COL4A3: variants seen among roughly 807,000 people sequenced by gnomAD.
COL4A3 encodes the protein collagen alpha-3(IV) chain.
Under a neutral mutation model 217.4 loss-of-function variants are expected in COL4A3, and 135 were observed. The observed-to-expected ratio is 0.62, with a 90% confidence interval of 0.54 to 0.72. The LOEUF (loss-of-function observed/expected upper bound fraction) is 0.72, where lower values mean the gene tolerates loss of function less well. Among genes scored for constraint, COL4A3 ranks in the 30% least tolerant of loss-of-function variants. The probability of loss-of-function intolerance (pLI) is 0.00; values close to 1 mark genes in which losing one functional copy is unlikely to be tolerated. For missense variants in COL4A3, 1,868 were observed against 2,119.9 expected, an observed-to-expected ratio of 0.88 and a Z score of 2.33; for synonymous variants, 690 against 736.3, an observed-to-expected ratio of 0.94 and a Z score of 1.02.
At chr2:227,203,214 CACAT>C (rs1377477789) in intron 1 of COL4A3, among the ~76,000 whole-genome samples, 1 of 15,138 alleles carries the variant, frequency 6.6e-5, no homozygotes, top group African/African-American at 3.7e-4. Context: ...TGTATATACA[CACAT>C]ATATGTGTAT....
intron 1 of COL4A3, among the ~76,000 whole-genome samples, chr2:227,217,397 C>A (rs753983183): frequency 1.3e-5 from 2 of 152,196 alleles, no homozygotes; most frequent in Non-Finnish European, 2.9e-5. Flanking sequence ...CTTTTGTAAG[C>A]AAGCAATTTG....
rs774154890 is a variant in COL4A3 at position 227,248,484 on chromosome 2, A to T, written c.510A>T (p.Lys170Asn). 2 of 1,613,328 alleles carry T rather than the reference A, an allele frequency of 1.2e-6. No homozygotes were observed. The highest frequency in any genetic ancestry group is 1.7e-6 in the Non-Finnish European group (2 of 1,179,434). Residue 170 changes from lysine (K) to asparagine (N), a missense_variant, in exon 9 of 52, where the codon AAA (lysine) becomes AAT (asparagine). By Grantham distance (94) the Lys-to-Asn change is moderately conservative (BLOSUM62 0). Coordinates refer to ENST00000396578, the MANE Select transcript of COL4A3 (RefSeq NM_000091.5). ...AKEEDIELDA[K>N]GDPGLPGAPG... ...AAGAAGATATAGAACTTGATGCAAA[A>T]GGCGACCCCGGGTTGCCAGGGGCTC...
chr2:227,303,866 G>A lies in COL4A3; in HGVS notation c.3963G>A (p.Lys1321=), dbSNP rs776772531. 8 of 1,613,932 alleles carry A rather than the reference G, an allele frequency of 5.0e-6. No homozygotes were observed. Among genetic ancestry groups the A allele is most frequent in the Admixed American group, 1.7e-5 (1 of 60,006 alleles). Residue 1321 remains lysine (K), a synonymous_variant, in exon 45 of 52, where the codon AAG becomes AAA. Transcript: ENST00000396578. ...FQGFPGVKGE[K]GNPGFLGSIG... is the part of the protein sequence containing the mutation. ...GTCTTTGTTTGTTTTTAGGAGAAAA[G>A]GGTAATCCTGGATTTCTAGGATCCA...
At position 227,312,037 on chromosome 2, in the gene COL4A3, C is replaced by A; in HGVS notation, c.*167C>A. On this transcript the variant is annotated 3_prime_UTR_variant, in exon 52 of 52. Transcript: ENST00000396578. The stretch of plus-strand genomic sequence containing the variant: ...ACAAAACAAAGCAATTCTTTCAAGT[C>A]AGTTCTGTGATCTGGGTCTCTAATC... 1 of 1,275,822 alleles carries A rather than the reference C, an allele frequency of 7.8e-7. No individual in the cohort carries two copies. The highest frequency in any genetic ancestry group is 1.1e-6 in the Non-Finnish European group (1 of 917,378). 79.0% of individuals were successfully genotyped at this position (1,275,822 alleles called of 1,614,324 possible).
At chr2:227,179,049 TCA>T (rs1450321623) in intron 1 of COL4A3, among the ~76,000 whole-genome samples, 13 of 152,252 alleles carry the variant, frequency 8.5e-5, no homozygotes, top group Non-Finnish European at 1.0e-4. Context: ...CCTCCCAGGC[TCA>T]AGCAATCCTC....
chr2:227,241,623 A>C (rs2125896304), intron 3 of COL4A3, among the ~76,000 whole-genome samples: 1 of 152,306 alleles, frequency 6.6e-6, no homozygotes, highest in African/African-American at 2.4e-5. Context: ...GCAGTGAGCC[A>C]TGATCATGCT....
intron 1 of COL4A3, among the ~76,000 whole-genome samples, chr2:227,187,334 G>GA (rs1264302955): frequency 6.6e-6 from 1 of 152,164 alleles, no homozygotes; most frequent in Non-Finnish European, 1.5e-5. Flanking sequence ...ACACAGTTGT[G>GA]ACTAAGAAGA....
chr2:227,216,772 C>T (rs1479677704), intron 1 of COL4A3, among the ~76,000 whole-genome samples: 1 of 152,180 alleles, frequency 6.6e-6, no homozygotes, highest in Non-Finnish European at 1.5e-5. Flanking sequence ...AAAGTGTTCA[C>T]AGTGACAGCA....
At chr2:227,196,442 C>T (rs1359307599) in intron 1 of COL4A3, among the ~76,000 whole-genome samples, 4 of 151,806 alleles carry the variant, frequency 2.6e-5, no homozygotes, top group Non-Finnish European at 2.9e-5. Flanking sequence ...CTCAGCCTCC[C>T]GAGTAGCTGG....
rs549652865 is a variant in COL4A3, at chr2:227,195,687, GTGTGTGTGTA to G, written c.87+30884_87+30893del. On this transcript the variant is annotated intron_variant, in intron 1 of 51. Transcript: ENST00000396578. Reference sequence around the variant, plus strand: ...TATATATGTGTGTGTGTGTGTGTGTGTGTGTGTGTATGTGTGTGTGTATGCTGTAGAACAG... The same window carrying G: ...TATATATGTGTGTGTGTGTGTGTGTGTGTGTGTGTGTATGCTGTAGAACAG... Among the ~76,000 whole-genome samples the G allele has an allele frequency of 7.4e-3, 1,110 of 149,584 alleles. 31 individuals carry two copies. The highest frequency in any genetic ancestry group is 0.027 in the African/African-American group (1,062 of 39,612).
intron 37 of COL4A3, among the ~76,000 whole-genome samples, chr2:227,291,562 CAAAA>C (rs869289707): frequency 5.8e-5 from 2 of 34,410 alleles, no homozygotes; most frequent in South Asian, 9.4e-4. Flanking sequence ...GACTCCGTCT[CAAAA>C]AAAAAAAAAA....
At chr2:227,186,243 G>A (rs887061411) in intron 1 of COL4A3, among the ~76,000 whole-genome samples, 2 of 152,126 alleles carry the variant, frequency 1.3e-5, no homozygotes. Context: ...ATAAGATAAC[G>A]CGCATTACAT....
chr2:227,244,308 A>T lies in COL4A3; in HGVS notation c.235-12A>T, dbSNP rs1282633344. 2.5e-6 allele frequency: 4 copies of T among 1,613,546 alleles called. No homozygotes were observed. The highest frequency in any genetic ancestry group is 1.7e-5 in the Admixed American group (1 of 59,958). On this transcript the variant is annotated splice_polypyrimidine_tract_variant and intron_variant, in intron 3 of 51. Transcript: ENST00000396578. The stretch of plus-strand genomic sequence containing the variant: ...CAGAGTGTTTACTTTTTCTTTTTTC[A>T]CTTGAATCTAGGGCTTTCCAGGACT...
Position 227,174,295 on chromosome 2 carries a change from C to A in COL4A3, c.87+9482C>A, listed in dbSNP as rs1224341943. 2.0e-5 allele frequency among the ~76,000 whole-genome samples: 3 copies of A among 152,174 alleles called. No homozygotes were observed. In the East Asian group the frequency reaches 5.8e-4, roughly 29 times the overall value. On this transcript the variant is annotated intron_variant, in intron 1 of 51. Coordinates refer to ENST00000396578, the MANE Select transcript of COL4A3 (RefSeq NM_000091.5). Reference sequence around the variant, plus strand: ...AAATATATTGAAAACCAACACACCACACCTTGCCTTTCATTTTAAACTAGA... The same window carrying A: ...AAATATATTGAAAACCAACACACCAAACCTTGCCTTTCATTTTAAACTAGA...
intron 7 of COL4A3, 30 bp from the exon 8 acceptor site, chr2:227,247,528 C>G: frequency 9.3e-6 from 15 of 1,612,648 alleles, no homozygotes; most frequent in Non-Finnish European, 1.3e-5. Context: ...TGATATTCCT[C>G]TAGTTGTTCA....
rs1309549929 is a variant in COL4A3 at position 227,298,726 on chromosome 2, A to C, written c.3796A>C (p.Ile1266Leu). The change falls in exon 43 of 52, where the codon ATA becomes CTA. Residue 1266 changes from isoleucine (I) to leucine (L), a missense_variant. Ile to Leu is a conservative substitution (Grantham distance 5). Transcript: ENST00000396578. ...PGPPGSHVIG[I>L]KGDKGSMGHP... is the part of the protein sequence containing the mutation. ...ACCTCCAGGGAGTCATGTAATAGGC[A>C]TAAAAGGAGACAAAGGGTCTATGGG... The C allele has an allele frequency of 6.2e-7, 1 of 1,614,112 alleles. No homozygotes were observed. Among genetic ancestry groups the C allele is most frequent in the East Asian group, 2.2e-5 (1 of 44,886 alleles).
chr2:227,208,765 T>C (rs1574574287), intron 1 of COL4A3, among the ~76,000 whole-genome samples: 1 of 138,490 alleles, frequency 7.2e-6, no homozygotes, highest in African/African-American at 2.7e-5. Context: ...GGCGGTTGGT[T>C]ACACACACAC....
At chr2:227,192,795 A>C (rs1269077780) in intron 1 of COL4A3, among the ~76,000 whole-genome samples, 1 of 152,192 alleles carries the variant, frequency 6.6e-6, no homozygotes, top group Admixed American at 6.5e-5. Flanking sequence ...CAACCCAAAT[A>C]AGAGTTTGGA....
rs1189014182 is a variant in COL4A3 at position 227,191,848 on chromosome 2, C to T, written c.87+27035C>T. Among the ~76,000 whole-genome samples the T allele has an allele frequency of 1.3e-5, 2 of 152,248 alleles. No homozygotes were observed. The highest frequency in any genetic ancestry group is 3.9e-4 in the East Asian group (2 of 5,188). On this transcript the variant is annotated intron_variant, in intron 1 of 51. Transcript: ENST00000396578. This position sits in a 1 kb window ranked among gnomAD's most constrained non-coding sequence, Gnocchi z 6.8. ...AGAAGAACTTAGAATATTACAGATTCTCTTACAAAACACAAAGACCTTGGA... is the reference window on the plus strand; with the variant it reads ...AGAAGAACTTAGAATATTACAGATTTTCTTACAAAACACAAAGACCTTGGA...
Sources: allele counts gnomAD v4.1 joint callset (sites outside exome capture counted in the v4.1 genomes callset), GRCh38; gene constraint gnomAD v4.1.1; non-coding constraint Gnocchi (gnomAD v3.1); transcripts MANE v1.5; gene names NCBI Gene and HGNC (gene_info 2026-07-23, HGNC 2026-07-21).